Variants in PRRG2 observed in about 807,000 individuals in gnomAD.
The protein encoded by PRRG2 is transmembrane gamma-carboxyglutamic acid protein 2.
PRRG2 carries 23 observed loss-of-function variants against 27.1 expected under a neutral mutation model. The observed-to-expected ratio is 0.85, with a 90% CI of 0.61 to 1.20. PRRG2 has a LOEUF of 1.20. PRRG2 is among the 50% of genes most tolerant of loss of function. The pLI, the probability that PRRG2 is intolerant of heterozygous loss-of-function variation, is 0.00. For missense variants in PRRG2, 276 were observed against 254.8 expected (o/e 1.08, Z -0.57); for synonymous variants, 104 against 103.4 (o/e 1.01, Z -0.03).
chr19:49,583,388 A>G, intron 2 of PRRG2, 84 bp downstream of exon 2: 2 of 1,537,768 alleles, frequency 1.3e-6, no homozygotes, highest in Non-Finnish European at 1.8e-6. Flanking sequence ...TTCCTCTTCC[A>G]GGAGTCCAGG....
At chr19:49,583,816 T>G in intron 3 of PRRG2, 97 bp from the exon 4 acceptor site, 1 of 1,603,870 alleles carries the variant, frequency 6.2e-7, no homozygotes. Context: ...CCCTCCTCCT[T>G]GGTGTCTCAG....
At position 49,589,954 on chromosome 19, in the gene PRRG2, C is replaced by CCT; in HGVS notation, c.493_494dup (p.Pro166CysfsTer78). On this transcript the variant is annotated frameshift_variant, in exon 6 of 7. Transcript: ENST00000246794. LOFTEE classifies it high-confidence loss of function. ...TGAACCCTCTGGGCCCACCGACGCC[C>CCT]CTGCCTCCACCCCCACCCCCACCCC... The CCT allele has an allele frequency of 6.3e-7, 1 of 1,599,586 alleles. No individual in the cohort carries two copies. The highest frequency in any genetic ancestry group is 1.1e-5 in the South Asian group (1 of 90,320).
Position 49,589,925 on chromosome 19 carries a change from C to A in PRRG2, c.463C>A (p.Pro155Thr). Residue 155 changes from proline (P) to threonine (T), a missense_variant, in exon 6 of 7, where the codon CCT becomes ACT. Transcript: ENST00000246794. ...GGCCGGGCTCATTAGCCCTCTGAGT[C>A]CTTTGAACCCTCTGGGCCCACCGAC... ...QEAGLISPLS[P>T]LNPLGPPTPL... is the part of the protein sequence containing the mutation. The A allele has an allele frequency of 6.2e-7, 1 of 1,612,276 alleles. No homozygotes were observed. Among genetic ancestry groups the A allele is most frequent in the Non-Finnish European group, 8.5e-7 (1 of 1,179,930 alleles).
At chr19:49,587,932 G>GT (rs993272505) in intron 4 of PRRG2, among the ~76,000 whole-genome samples, 2 of 143,376 alleles carry the variant, frequency 1.4e-5, no homozygotes, top group African/African-American at 2.8e-5. Context: ...ACATAGTTTT[G>GT]TTTTTTTGGT....
At chr19:49,590,216 A>ATGCAATGGTCTAGGG in intron 6 of PRRG2, 155 bp from the exon 7 acceptor site, 1 of 1,427,868 alleles carries the variant, frequency 7.0e-7, no homozygotes, top group East Asian at 2.3e-5. Context: ...GGCGTGGCCC[A>ATGCAATGGTCTAGGG]GCGTTGTATG....
At position 49,588,517 on chromosome 19, in the gene PRRG2, G is replaced by T; in HGVS notation, c.322G>T (p.Ala108Ser). The T allele has an allele frequency of 6.3e-7, 1 of 1,590,010 alleles. No homozygotes were observed. The highest frequency in any genetic ancestry group is 8.6e-7 in the Non-Finnish European group (1 of 1,168,628). ...GKGGRGRVDV[A>S]SLAVGLTGGI... ...TGCAGGGCGTGGACGAGTGGATGTG[G>T]CCAGCCTGGCTGTGGGGCTGACAGG... is the stretch of plus-strand genomic sequence containing the variant. The change falls in exon 5 of 7, where the codon GCC becomes TCC. Residue 108 changes from alanine to serine, a missense_variant. Transcript: ENST00000246794.
chr19:49,583,775 A>AGGTT, intron 3 of PRRG2, 58 bp downstream of exon 3: 1 of 1,611,270 alleles, frequency 6.2e-7, no homozygotes, highest in Non-Finnish European at 8.5e-7. Context: ...ACCTGTGGGG[A>AGGTT]GGTTGCAGGG....
At chr19:49,589,385 C>A (rs892108237) in intron 5 of PRRG2, among the ~76,000 whole-genome samples, 3 of 151,144 alleles carry the variant, frequency 2.0e-5, no homozygotes, top group South Asian at 2.1e-4. Flanking sequence ...CTTGGCCTCC[C>A]AAAGTGCTGG....
rs753936475 is a variant in PRRG2 at position 49,589,944 on chromosome 19, C to T, written c.482C>T (p.Pro161Leu). 3 of 1,609,682 alleles carry T rather than the reference C, an allele frequency of 1.9e-6. No individual in the cohort carries two copies. Among genetic ancestry groups the T allele is most frequent in the Non-Finnish European group, 2.5e-6 (3 of 1,179,748 alleles). Residue 161 changes from proline (P) to leucine (L), a missense_variant, in exon 6 of 7, where the codon CCA becomes CTA. By Grantham distance (98) the Pro-to-Leu change is moderately conservative. Transcript: ENST00000246794. ...SPLSPLNPLG[P>L]PTPLPPPPPP... is the part of the protein sequence containing the mutation. The stretch of plus-strand genomic sequence containing the variant: ...CTGAGTCCTTTGAACCCTCTGGGCC[C>T]ACCGACGCCCCTGCCTCCACCCCCA...
chr19:49,581,766 G>A (rs977506414), intron 1 of PRRG2, among the ~76,000 whole-genome samples: 5 of 152,216 alleles, frequency 3.3e-5, no homozygotes, highest in Non-Finnish European at 7.3e-5. Context: ...ATAAGCATCT[G>A]TGTCAGGTGC....
intron 6 of PRRG2, 54 bp from the exon 7 acceptor site, chr19:49,590,317 G>C (rs555886393): frequency 1.1e-4 from 174 of 1,613,508 alleles, no homozygotes; most frequent in South Asian, 7.6e-4. Context: ...CTGGTTGAAG[G>C]GGGGAGAAAA....
At chr19:49,587,921 G>A (rs1457260440) in intron 4 of PRRG2, among the ~76,000 whole-genome samples, 1 of 151,412 alleles carries the variant, frequency 6.6e-6, no homozygotes, top group East Asian at 2.0e-4. Flanking sequence ...ACCTGGCCAG[G>A]ACATAGTTTT....
At position 49,583,904 on chromosome 19, in the gene PRRG2, C is replaced by T. The variant is rs981177825; in HGVS notation, c.262-9C>T. The T allele has an allele frequency of 6.2e-7, 1 of 1,613,662 alleles. No homozygotes were observed. The highest frequency in any genetic ancestry group is 8.5e-7 in the Non-Finnish European group (1 of 1,179,730). ...TTTTCCCCTTCTTTTCCACTCCTTC[C>T]CCCTCAAGGAGCGCTTTTGGGAGAG... On this transcript the variant is annotated splice_polypyrimidine_tract_variant and intron_variant, in intron 3 of 6. Coordinates refer to ENST00000246794, the MANE Select transcript of PRRG2 (RefSeq NM_000951.3).
rs746169814 is a variant in PRRG2, at chr19:49,588,578, C to A, written c.383C>A (p.Ala128Asp). ...ILLIVLAGLG[A>D]FWYLRWRQHR... ...CTCATTGTCCTGGCCGGCCTGGGAG[C>A]CTTTTGGTATCTGCGCTGGCGACAG... The change falls in exon 5 of 7, where the codon GCC becomes GAC. Residue 128 changes from alanine (A) to aspartate (D), a missense_variant. By Grantham distance (126) the Ala-to-Asp change is moderately radical. Coordinates refer to ENST00000246794, the MANE Select transcript of PRRG2 (RefSeq NM_000951.3). 6 of 1,556,950 alleles carry A rather than the reference C, an allele frequency of 3.9e-6. No homozygotes were observed. In the African/African-American group the frequency reaches 8.2e-5, roughly 21 times the overall value.
chr19:49,582,163 C>T (rs184778036), intron 1 of PRRG2, among the ~76,000 whole-genome samples: 4 of 149,848 alleles, frequency 2.7e-5, no homozygotes, highest in Non-Finnish European at 5.9e-5. Context: ...ATCGCTTGAA[C>T]CCAGGAGGCA....
At chr19:49,582,470 A>G (rs2080634593) in intron 1 of PRRG2, among the ~76,000 whole-genome samples, 1 of 151,722 alleles carries the variant, frequency 6.6e-6, no homozygotes. Flanking sequence ...GAAAAGTAAA[A>G]TGAGTTGAGG....
chr19:49,589,317 G>C, intron 5 of PRRG2, among the ~76,000 whole-genome samples: 1 of 151,566 alleles, frequency 6.6e-6, no homozygotes, highest in Non-Finnish European at 1.5e-5. Flanking sequence ...AGTAGAGATG[G>C]GTTTCTCTAT....
intron 2 of PRRG2, 75 bp from the exon 3 acceptor site, chr19:49,583,467 C>T: frequency 6.4e-7 from 1 of 1,556,626 alleles, no homozygotes; most frequent in Non-Finnish European, 8.8e-7. Flanking sequence ...TCCAGGACCC[C>T]ACTGCTTTCC....
intron 5 of PRRG2, among the ~76,000 whole-genome samples, chr19:49,588,944 A>G (rs1352942058): frequency 1.3e-5 from 2 of 151,946 alleles, no homozygotes; most frequent in Non-Finnish European, 2.9e-5. Flanking sequence ...TGAGGCTGCG[A>G]CGGTGCAGCC....
Sources: gnomAD v4.1 joint callset for allele counts (sites outside exome capture counted in the v4.1 genomes callset) on GRCh38, gnomAD v4.1.1 for gene constraint, MANE v1.5 for transcripts, NCBI Gene and HGNC (gene_info 2026-07-23, HGNC 2026-07-21) for gene names.